Variants in ALG13 observed in about 807,000 individuals in gnomAD.
ALG13 encodes the protein UDP-N-acetylglucosamine transferase subunit ALG13.
Under a neutral mutation model 87.8 loss-of-function variants are expected in ALG13, and 11 were observed. That is an observed-to-expected ratio of 0.13 (90% confidence interval 0.08 to 0.21). The LOEUF is 0.21. Ranked by LOEUF, ALG13 falls within the 10% of genes least tolerant of loss-of-function variation. The pLI is 1.00. For synonymous variants in ALG13, 320 were observed against 306.3 expected (o/e 1.04, Z -0.47); for missense variants, 756 against 866.1 (o/e 0.87, Z 1.60).
chrX:111,758,102 C>T (rs1025433074), intron 26 of ALG13, among the ~76,000 whole-genome samples: 18 of 111,847 alleles, frequency 1.6e-4, no homozygotes, highest in Non-Finnish European at 3.2e-4. Flanking sequence ...GCCACACACC[C>T]ATGGTACAAA....
intron 25 of ALG13, chrX:111,757,168 T>A (rs1772721160): frequency 1.7e-5 from 2 of 115,956 alleles, no homozygotes; most frequent in African/African-American, 6.4e-5. Context: ...GTATAATTTT[T>A]AAATCTTTTA....
chrX:111,706,652 G>C (rs771165757), intron 3 of ALG13: 38 of 111,111 alleles, frequency 3.4e-4, no homozygotes, highest in African/African-American at 1.2e-3. Context: ...TTAGCTACTT[G>C]GGAGGCTGAG....
At chrX:111,734,550 T>A (rs1340221256) in intron 21 of ALG13, 1 of 113,808 alleles carries the variant, frequency 8.8e-6, no homozygotes, top group Non-Finnish European at 1.8e-5. Flanking sequence ...CTATCATGCA[T>A]GAGTCCAAGC....
At chrX:111,735,197 T>A in intron 22 of ALG13, 75 bp downstream of exon 22, 1 of 655,024 alleles carries the variant, frequency 1.5e-6, no homozygotes, top group Non-Finnish European at 2.4e-6. Flanking sequence ...TTCATTTACC[T>A]TCATCATACT....
At chrX:111,729,473 C>T (rs746702693) in intron 19 of ALG13, among the ~76,000 whole-genome samples, 25 of 110,920 alleles carry the variant, frequency 2.3e-4, no homozygotes, top group Admixed American at 1.8e-3. Context: ...AAACTTTGTA[C>T]GTGTGTGCAT....
chrX:111,748,729 G>A (rs1944457915), intron 24 of ALG13, among the ~76,000 whole-genome samples: 1 of 111,443 alleles, frequency 9.0e-6, no homozygotes, highest in Non-Finnish European at 1.9e-5. Context: ...TTGATGGGTA[G>A]AGGATTTTAA....
intron 3 of ALG13, among the ~76,000 whole-genome samples, chrX:111,703,695 T>A (rs2147947639): frequency 8.9e-6 from 1 of 112,392 alleles, no homozygotes; most frequent in African/African-American, 3.2e-5. Context: ...TATGTATCAA[T>A]ATTTCATTAT....
At chrX:111,749,659 C>CTT (rs1161624680) in intron 24 of ALG13, among the ~76,000 whole-genome samples, 1 of 103,131 alleles carries the variant, frequency 9.7e-6, no homozygotes, top group Non-Finnish European at 2.0e-5. Flanking sequence ...GGTTTCTCAA[C>CTT]TTTTTTTTTT....
chrX:111,718,596 C>T (rs900926516), intron 10 of ALG13, among the ~76,000 whole-genome samples: 1 of 111,942 alleles, frequency 8.9e-6, no homozygotes, highest in African/African-American at 3.2e-5. Flanking sequence ...CCTACTGTCA[C>T]AAAATTTGAG....
intron 2 of ALG13, among the ~76,000 whole-genome samples, chrX:111,684,104 A>T (rs1446337105): frequency 8.9e-6 from 1 of 111,884 alleles, no homozygotes; most frequent in Non-Finnish European, 1.9e-5. Flanking sequence ...TCGAGTACCC[A>T]TATAACCATT....
At chrX:111,698,834 T>C (rs1466351515) in intron 3 of ALG13, among the ~76,000 whole-genome samples, 1 of 111,681 alleles carries the variant, frequency 9.0e-6, no homozygotes, top group Non-Finnish European at 1.9e-5. Context: ...GGAGTGCAGG[T>C]ATCCCCTGAC....
At chrX:111,710,122 G>A (rs763948003) in intron 5 of ALG13, among the ~76,000 whole-genome samples, 2 of 108,462 alleles carry the variant, frequency 1.8e-5, no homozygotes, top group Admixed American at 2.0e-4. Context: ...CTCTGCCTAC[G>A]AGGCTGAAGC....
intron 22 of ALG13, among the ~76,000 whole-genome samples, chrX:111,736,248 G>A (rs987993710): frequency 8.9e-6 from 1 of 111,976 alleles, no homozygotes; most frequent in Non-Finnish European, 1.9e-5. Context: ...AGGCTACAGT[G>A]AATGAAATCA....
At chrX:111,729,041 A>G (rs759984043) in intron 19 of ALG13, among the ~76,000 whole-genome samples, 1 of 111,945 alleles carries the variant, frequency 8.9e-6, no homozygotes, top group Non-Finnish European at 1.9e-5. Flanking sequence ...AATTAATACT[A>G]GGACATTTTT....
intron 19 of ALG13, among the ~76,000 whole-genome samples, chrX:111,728,769 C>T (rs940813449): frequency 2.4e-4 from 27 of 110,493 alleles, no homozygotes; most frequent in African/African-American, 8.2e-4. Flanking sequence ...TTGAACCCTA[C>T]GTGATACCCA....
intron 4 of ALG13, 125 bp downstream of exon 4, chrX:111,708,518 A>G (rs1319840487): frequency 3.6e-6 from 3 of 842,735 alleles, no homozygotes; most frequent in South Asian, 2.7e-5. Flanking sequence ...GGGCCTGTCA[A>G]GGTCCTAGAG....
At position 111,736,813 on chromosome X, in the gene ALG13, A is replaced by T. The variant is rs753014074; in HGVS notation, c.2629A>T (p.Thr877Ser). ...GAAANQAISTTSVSSQNAIQP... is the reference protein window; with the variant it reads ...GAAANQAISTSSVSSQNAIQP... ...AGCGGCTAATCAAGCTATTAGTACC[A>T]CTTCAGTTTCCTCACAGAATGCTAT... The change falls in exon 23 of 27, where the codon ACT becomes TCT. Residue 877 changes from threonine (T) to serine (S), a missense_variant. This residue lies in a region of ALG13 where 362 missense variants were observed against 383.5 expected (regional missense o/e 0.94). Coordinates refer to ENST00000394780, the MANE Select transcript of ALG13 (RefSeq NM_001099922.3). 8.3e-7 allele frequency: 1 copy of T among 1,208,575 alleles called. No homozygotes were observed. Among genetic ancestry groups the T allele is most frequent in the Admixed American group, 2.2e-5 (1 of 45,656 alleles).
chrX:111,754,821 A>T (rs1945093103), intron 25 of ALG13, among the ~76,000 whole-genome samples: 1 of 112,291 alleles, frequency 8.9e-6, no homozygotes, highest in Non-Finnish European at 1.9e-5. Context: ...GGAAAAATCA[A>T]TATCATGAAA....
At chrX:111,686,156 A>C (rs1039387374) in intron 3 of ALG13, 8 of 1,118,437 alleles carry the variant, frequency 7.2e-6, no homozygotes, top group Non-Finnish European at 3.5e-6. Flanking sequence ...GAGACACTAG[A>C]AGCTTGCCAA....
Sources: gnomAD v4.1 joint callset for allele counts (sites outside exome capture counted in the v4.1 genomes callset) on GRCh38, gnomAD v4.1.1 for gene constraint, gnomAD v4.1.1 regional missense constraint, MANE v1.5 for transcripts, NCBI Gene and HGNC (gene_info 2026-07-23, HGNC 2026-07-21) for gene names.